Variants in FSTL4 observed in about 807,000 individuals in gnomAD.
FSTL4 encodes the protein follistatin like 4, also known as follistatin-related protein 4.
Under a neutral mutation model 78.2 loss-of-function variants are expected in FSTL4, and 28 were observed. The observed-to-expected ratio is 0.36, with a 90% CI of 0.27 to 0.49. The LOEUF (loss-of-function observed/expected upper bound fraction) is 0.49. Among genes scored for constraint, FSTL4 ranks in the 20% least tolerant of loss-of-function variants. The pLI is 0.98. For missense variants in FSTL4, 922 were observed against 1,084.9 expected (o/e 0.85, Z 2.11); for synonymous variants, 422 against 440.5 (o/e 0.96, Z 0.53).
At chr5:133,835,114 A>G in the FSTL4 span, among the ~76,000 whole-genome samples, 1 of 152,206 alleles carries the variant, frequency 6.6e-6, no homozygotes, top group African/African-American at 2.4e-5. Context: ...ACACACACAC[A>G]AAGACAGCAA....
chr5:133,282,129 T>C (rs1283210786), intron 6 of FSTL4, among the ~76,000 whole-genome samples: 1 of 152,190 alleles, frequency 6.6e-6, no homozygotes, highest in Non-Finnish European at 1.5e-5. Flanking sequence ...GGTGGGCATC[T>C]GTGGTGTCCT....
At chr5:133,410,231 T>G (rs1756451139) in intron 3 of FSTL4, among the ~76,000 whole-genome samples, 1 of 152,198 alleles carries the variant, frequency 6.6e-6, no homozygotes, top group African/African-American at 2.4e-5. Context: ...CCAAATATAT[T>G]CCTACCCCCG....
chr5:133,612,176 T>G lies in FSTL4; in HGVS notation c.-11+149A>C, dbSNP rs1761112605. On this transcript the variant is annotated intron_variant, in intron 1 of 15. Coordinates refer to ENST00000265342, the MANE Select transcript of FSTL4 (RefSeq NM_015082.2). The surrounding 1 kb of genome is among the most constrained non-coding windows in gnomAD (Gnocchi z 6.2). The stretch of plus-strand genomic sequence containing the variant: ...AACTTGGCTTTCCCGGCGCGGGCAG[T>G]AAGGACAAGCAAGCGCCCGCGCCGG... The G allele has an allele frequency of 6.6e-6, 1 of 151,106 alleles. No homozygotes were observed. Among genetic ancestry groups the G allele is most frequent in the Non-Finnish European group, 1.5e-5 (1 of 67,728 alleles). 9.4% of individuals were successfully genotyped at this position (151,106 alleles called of 1,614,324 possible). A position where few individuals can be genotyped will look rare whatever the true frequency, so the allele number is the denominator to read the frequency against.
chr5:133,381,160 C>T (rs1017684968), intron 4 of FSTL4, among the ~76,000 whole-genome samples: 13 of 152,154 alleles, frequency 8.5e-5, no homozygotes, highest in African/African-American at 3.1e-4. Flanking sequence ...AGAGTACACG[C>T]TAGAGGAACA....
At chr5:133,791,798 G>A in the FSTL4 span, among the ~76,000 whole-genome samples, 3 of 152,306 alleles carry the variant, frequency 2.0e-5, no homozygotes, top group Non-Finnish European at 2.9e-5. Context: ...GTTTTGCATC[G>A]ATGTGGGAGC....
At chr5:133,629,583 A>C in the FSTL4 span, among the ~76,000 whole-genome samples, 3 of 152,236 alleles carry the variant, frequency 2.0e-5, no homozygotes, top group Non-Finnish European at 4.4e-5. Context: ...AGGAGCTGGT[A>C]CCATTCCTTC....
chr5:133,651,412 G>T, the FSTL4 span, among the ~76,000 whole-genome samples: 1 of 152,072 alleles, frequency 6.6e-6, no homozygotes, highest in Non-Finnish European at 1.5e-5. Flanking sequence ...GTTCCCCTCT[G>T]TTCCTAGTTT....
At chr5:133,512,693 A>G (rs1758759581) in intron 3 of FSTL4, among the ~76,000 whole-genome samples, 1 of 152,242 alleles carries the variant, frequency 6.6e-6, no homozygotes, top group Non-Finnish European at 1.5e-5. Flanking sequence ...ATATGTATAT[A>G]CCCAGATACC....
the FSTL4 span, among the ~76,000 whole-genome samples, chr5:133,666,327 A>C: frequency 2.6e-3 from 398 of 152,340 alleles, 1 homozygote; most frequent in African/African-American, 8.9e-3. Context: ...ACTTTAAAAA[A>C]ATCTATTTGG....
intron 3 of FSTL4, among the ~76,000 whole-genome samples, chr5:133,525,800 A>T (rs987913602): frequency 6.6e-6 from 1 of 152,202 alleles, no homozygotes; most frequent in African/African-American, 2.4e-5. Context: ...CCCTCAGCTG[A>T]CCAGTGCAGG....
intron 3 of FSTL4, among the ~76,000 whole-genome samples, chr5:133,508,376 C>G (rs1057040661): frequency 6.6e-6 from 1 of 152,200 alleles, no homozygotes; most frequent in African/African-American, 2.4e-5. Context: ...TCTTGAAGGT[C>G]TGAGCTACCT....
chr5:133,494,052 G>T (rs560575465), intron 3 of FSTL4, among the ~76,000 whole-genome samples: 54 of 152,298 alleles, frequency 3.5e-4, no homozygotes, highest in African/African-American at 1.3e-3. Flanking sequence ...CTATGTGCCA[G>T]AAACTGTTTT....
chr5:133,825,927 C>G, the FSTL4 span, among the ~76,000 whole-genome samples: 1 of 152,224 alleles, frequency 6.6e-6, no homozygotes, highest in Non-Finnish European at 1.5e-5. Context: ...AGAACCCATC[C>G]CCGGCTGCTA....
intron 1 of FSTL4, among the ~76,000 whole-genome samples, chr5:133,607,264 G>A (rs985924126): frequency 6.6e-6 from 1 of 152,208 alleles, no homozygotes; most frequent in Non-Finnish European, 1.5e-5. Flanking sequence ...GAAATTTACA[G>A]CTCAAGTTTT....
In FSTL4 at chr5:133,359,436, C is replaced by G. The variant is rs141816735; in HGVS notation, c.409+41302G>C. 1.7e-3 allele frequency among the ~76,000 whole-genome samples: 263 copies of G among 152,246 alleles called. 2 individuals are homozygous for G. The highest frequency in any genetic ancestry group is 6.1e-3 in the African/African-American group (254 of 41,526). On this transcript the variant is annotated intron_variant, in intron 4 of 15. Transcript: ENST00000265342. ...AAAATATTCAGCCAAGGAAATGAGG[C>G]CAGACACAAAAGAGTACTTACAAGA...
At chr5:133,680,033 C>T in the FSTL4 span, among the ~76,000 whole-genome samples, 4 of 152,128 alleles carry the variant, frequency 2.6e-5, no homozygotes, top group Middle Eastern at 3.2e-3. Context: ...GATGTCAGAG[C>T]GATGGGCAGG....
At chr5:133,344,067 T>G (rs1754647188) in intron 4 of FSTL4, among the ~76,000 whole-genome samples, 1 of 152,106 alleles carries the variant, frequency 6.6e-6, no homozygotes, top group African/African-American at 2.4e-5. Context: ...TAAATAAAAA[T>G]ATAGTAAAAG....
the FSTL4 span, among the ~76,000 whole-genome samples, chr5:133,821,776 G>A: frequency 6.6e-6 from 1 of 152,132 alleles, no homozygotes; most frequent in Admixed American, 6.6e-5. Context: ...TTCTTGAGCA[G>A]GATAATTATG....
intron 2 of FSTL4, among the ~76,000 whole-genome samples, chr5:133,598,719 A>AG (rs11404052): frequency 0.92 from 137,977 of 150,608 alleles, 62,679 homozygotes; most frequent in Middle Eastern, 0.95. Flanking sequence ...CGGTTATCCC[A>AG]GGGTCCACGG....
Sources: allele counts gnomAD v4.1 joint callset (sites outside exome capture counted in the v4.1 genomes callset), GRCh38; gene constraint gnomAD v4.1.1; non-coding constraint Gnocchi (gnomAD v3.1); transcripts MANE v1.5; gene names NCBI Gene and HGNC (gene_info 2026-07-23, HGNC 2026-07-21).